The following VPS8 variants were observed in gnomAD, a reference collection of about 807,000 sequenced individuals.
VPS8 encodes the protein VPS8 subunit of CORVET complex.
A neutral mutation model predicts 216.4 loss-of-function variants in VPS8; 129 were observed. That is an observed-to-expected ratio of 0.60 (90% confidence interval 0.52 to 0.69). The LOEUF (loss-of-function observed/expected upper bound fraction) is 0.69, where lower values mean the gene tolerates loss of function less well. Ranked by LOEUF, VPS8 falls within the 30% of genes least tolerant of loss-of-function variation. The probability of loss-of-function intolerance (pLI) is 0.00; values close to 1 mark genes in which losing one functional copy is unlikely to be tolerated. For missense variants in VPS8, 1,531 were observed against 1,683.5 expected (o/e 0.91, Z 1.59); for synonymous variants, 571 against 565.4 (o/e 1.01, Z -0.14).
chr3:184,925,772 AT>A (rs769693262), intron 30 of VPS8, among the ~76,000 whole-genome samples: 4,060 of 121,492 alleles, frequency 0.033, 36 homozygotes, highest in Non-Finnish European at 0.04. Context: ...TTCTCTCTCT[AT>A]TTTTTTTTTT....
At chr3:184,962,428 T>G (rs1746690744) in intron 37 of VPS8, among the ~76,000 whole-genome samples, 1 of 152,230 alleles carries the variant, frequency 6.6e-6, no homozygotes. Flanking sequence ...TTAGTCTTCT[T>G]AATTTTTGCC....
At chr3:185,002,651 T>C (rs1168566473) in intron 45 of VPS8, among the ~76,000 whole-genome samples, 2 of 152,192 alleles carry the variant, frequency 1.3e-5, no homozygotes, top group African/African-American at 4.8e-5. Flanking sequence ...TTCATTCTTA[T>C]GCTTTTGCAT....
At chr3:184,922,868 A>G (rs1738886415) in intron 29 of VPS8, among the ~76,000 whole-genome samples, 1 of 152,136 alleles carries the variant, frequency 6.6e-6, no homozygotes, top group Admixed American at 6.5e-5. Context: ...GAAATAGGCT[A>G]AAGAGAAGAA....
At chr3:184,953,988 C>T (rs1234269696) in intron 36 of VPS8, among the ~76,000 whole-genome samples, 2 of 152,174 alleles carry the variant, frequency 1.3e-5, no homozygotes, top group East Asian at 3.8e-4. Context: ...GCATAAGCCC[C>T]AGGCTGTAAC....
chr3:184,936,339 C>T lies in VPS8; in HGVS notation c.2988+4C>T, dbSNP rs372109008. ...AACGGTCATTAAAAAACTTCAGGTA[C>T]ATATTGCAAATATATATTGGGGAAA... is the stretch of plus-strand genomic sequence containing the variant. On this transcript the variant is annotated splice_donor_region_variant and intron_variant, in intron 35 of 47. Coordinates refer to ENST00000625842, the MANE Select transcript of VPS8 (RefSeq NM_001009921.3). 140 of 1,602,960 alleles carry T rather than the reference C, an allele frequency of 8.7e-5. No individual in the cohort carries two copies. The African/African-American group carries it at 1.7e-3, about 19-fold the overall frequency.
At chr3:184,951,700 A>G (rs73885626) in intron 36 of VPS8, among the ~76,000 whole-genome samples, 6,610 of 152,258 alleles carry the variant, frequency 0.043, 457 homozygotes, top group African/African-American at 0.15. Flanking sequence ...TGACAAAAGA[A>G]AGCAGTGGGT....
chr3:184,970,426 G>A (rs1748221267), intron 39 of VPS8, among the ~76,000 whole-genome samples: 1 of 152,186 alleles, frequency 6.6e-6, no homozygotes, highest in African/African-American at 2.4e-5. Flanking sequence ...CACTGAGAGT[G>A]ACTAAGGTGT....
At chr3:184,994,501 A>ACT (rs2109855969) in intron 43 of VPS8, among the ~76,000 whole-genome samples, 1 of 152,256 alleles carries the variant, frequency 6.6e-6, no homozygotes, top group East Asian at 1.9e-4. Context: ...AAAAAAAAAA[A>ACT]AAATTCTCTT....
In VPS8 at chr3:184,868,700, A is replaced by G. The variant is rs535439593; in HGVS notation, c.1507-246A>G. On this transcript the variant is annotated intron_variant, in intron 18 of 47. Coordinates refer to ENST00000625842, the MANE Select transcript of VPS8 (RefSeq NM_001009921.3). ...TAAACAACTAGCCATTTCTGCTACA[A>G]TGGCATTCCAGCTATTTCCCCTTTT... Among the ~76,000 whole-genome samples the G allele has an allele frequency of 1.5e-3, 233 of 152,350 alleles. 1 individual carries two copies. The highest frequency in any genetic ancestry group is 3.4e-3 in the Middle Eastern group (1 of 294).
chr3:184,884,400 A>G (rs1324468635), intron 21 of VPS8, among the ~76,000 whole-genome samples: 7 of 151,932 alleles, frequency 4.6e-5, no homozygotes, highest in Admixed American at 1.3e-4. Flanking sequence ...AAGGACATGA[A>G]CTCATCCTTT....
rs554597252 is a variant in VPS8 at position 184,833,685 on chromosome 3, T to A, written c.353+866T>A. ...CACTCACACTTCAGCCCTCCTAGTC[T>A]GTACCTTTTGTGTATGTGTACCCCA... is the stretch of plus-strand genomic sequence containing the variant. On this transcript the variant is annotated intron_variant, in intron 4 of 47. Transcript: ENST00000625842. 2.0e-5 allele frequency among the ~76,000 whole-genome samples: 3 copies of A among 152,310 alleles called. No individual in the cohort carries two copies. In the South Asian group the frequency reaches 6.2e-4, roughly 32 times the overall value.
chr3:184,882,941 T>A (rs1730530970), intron 21 of VPS8, among the ~76,000 whole-genome samples: 1 of 152,180 alleles, frequency 6.6e-6, no homozygotes, highest in South Asian at 2.1e-4. Flanking sequence ...TTATTCTTTG[T>A]CAGTCTTGCT....
intron 45 of VPS8, among the ~76,000 whole-genome samples, chr3:185,000,797 A>T (rs1753312326): frequency 6.6e-6 from 1 of 151,602 alleles, no homozygotes; most frequent in Non-Finnish European, 1.5e-5. Flanking sequence ...AGTAGAGTTG[A>T]GGTTTCGTCG....
intron 31 of VPS8, among the ~76,000 whole-genome samples, chr3:184,927,369 A>T (rs970101314): frequency 6.6e-6 from 1 of 152,220 alleles, no homozygotes; most frequent in Non-Finnish European, 1.5e-5. Context: ...AGTTGAGACT[A>T]TCGGATAGCA....
At chr3:184,863,191 A>T (rs1726696545) in intron 16 of VPS8, 124 bp downstream of exon 16, 1 of 1,159,838 alleles carries the variant, frequency 8.6e-7, no homozygotes, top group African/African-American at 1.5e-5. Context: ...GTGTTTCTTT[A>T]CAAGCCACTA....
chr3:184,884,230 A>G (rs1257526643), intron 21 of VPS8, among the ~76,000 whole-genome samples: 1 of 151,382 alleles, frequency 6.6e-6, no homozygotes, highest in African/African-American at 2.4e-5. Flanking sequence ...CCAGCCCCCG[A>G]CCCGCCGACA....
At chr3:184,886,041 A>T (rs1161033106) in intron 21 of VPS8, 69 bp from the exon 22 acceptor site, 7 of 1,510,972 alleles carry the variant, frequency 4.6e-6, no homozygotes, top group Non-Finnish European at 6.3e-6. Context: ...TCTTAAGCAG[A>T]CCTGTCATTA....
chr3:184,910,740 C>T (rs1169528379), intron 25 of VPS8, among the ~76,000 whole-genome samples: 1 of 152,176 alleles, frequency 6.6e-6, no homozygotes, highest in Non-Finnish European at 1.5e-5. Flanking sequence ...AGGGGCCTTT[C>T]CATGCCTCCC....
intron 3 of VPS8, among the ~76,000 whole-genome samples, chr3:184,829,299 C>T (rs1442249438): frequency 2.0e-5 from 3 of 152,132 alleles, no homozygotes; most frequent in Non-Finnish European, 4.4e-5. Flanking sequence ...CTGCAACCTC[C>T]TCCTCCTGGG....
Sources: gnomAD v4.1 joint callset for allele counts (sites outside exome capture counted in the v4.1 genomes callset) on GRCh38, gnomAD v4.1.1 for gene constraint, MANE v1.5 for transcripts, NCBI Gene and HGNC (gene_info 2026-07-23, HGNC 2026-07-21) for gene names.